The following MDGA2 variants were observed in gnomAD, a reference collection of about 807,000 sequenced individuals.
MDGA2 encodes MAM domain containing glycosylphosphatidylinositol anchor 2.
MDGA2 carries 40 observed loss-of-function variants against 117.8 expected under a neutral mutation model. The observed-to-expected ratio is 0.34, with a 90% CI of 0.26 to 0.44. The LOEUF (loss-of-function observed/expected upper bound fraction) is 0.44, where lower values mean the gene tolerates loss of function less well. Ranked by LOEUF, MDGA2 falls within the 20% of genes least tolerant of loss-of-function variation. MDGA2 has a pLI of 1.00. For synonymous variants in MDGA2, 452 were observed against 439.0 expected, an observed-to-expected ratio of 1.03 and a Z score of -0.37; for missense variants, 1,123 against 1,250.6, an observed-to-expected ratio of 0.90 and a Z score of 1.54.
chr14:47,555,904 C>T (rs1015346726), intron 1 of MDGA2, among the ~76,000 whole-genome samples: 15 of 152,152 alleles, frequency 9.9e-5, no homozygotes, highest in African/African-American at 2.2e-4. Flanking sequence ...TCCCCCTAGC[C>T]ATCAGTGAGA....
intron 1 of MDGA2, among the ~76,000 whole-genome samples, chr14:47,375,075 A>G (rs889495750): frequency 2.0e-5 from 3 of 151,370 alleles, no homozygotes; most frequent in African/African-American, 7.3e-5. Context: ...ACCTTTCAAA[A>G]CCTGTTTTTT....
intron 8 of MDGA2, among the ~76,000 whole-genome samples, chr14:47,019,749 C>G (rs978746936): frequency 6.7e-6 from 1 of 149,936 alleles, no homozygotes; most frequent in African/African-American, 2.5e-5. Flanking sequence ...GACGCTGAGG[C>G]AGGAGAATGA....
chr14:47,626,858 C>A (rs1343491839), intron 1 of MDGA2, among the ~76,000 whole-genome samples: 1 of 152,240 alleles, frequency 6.6e-6, no homozygotes, highest in African/African-American at 2.4e-5. Flanking sequence ...TGCTCCACAG[C>A]GCCCAGAACC....
chr14:47,258,994 G>A (rs1566707113), intron 2 of MDGA2, among the ~76,000 whole-genome samples: 1 of 151,958 alleles, frequency 6.6e-6, no homozygotes, highest in Admixed American at 6.6e-5. Flanking sequence ...CTTCAATTAT[G>A]TTGAAAACAA....
chr14:47,439,414 G>T lies in MDGA2; in HGVS notation c.281-137864C>A, dbSNP rs563914693. 1.5e-3 allele frequency among the ~76,000 whole-genome samples: 233 copies of T among 152,156 alleles called. 1 individual carries two copies. The highest frequency in any genetic ancestry group is 5.4e-3 in the African/African-American group (226 of 41,512). On this transcript the variant is annotated intron_variant, in intron 1 of 16. Coordinates refer to ENST00000399232, the MANE Select transcript of MDGA2 (RefSeq NM_001113498.3). ...TACATAATCATTTATCACAAAATGTGCATAGCAATCAGTATCCAACAGCTA... is the reference window on the plus strand; with the variant it reads ...TACATAATCATTTATCACAAAATGTTCATAGCAATCAGTATCCAACAGCTA...
chr14:47,537,819 A>C (rs1895255621), intron 1 of MDGA2, among the ~76,000 whole-genome samples: 1 of 152,128 alleles, frequency 6.6e-6, no homozygotes, highest in South Asian at 2.1e-4. Flanking sequence ...TTTCAAAAGA[A>C]CAAGATTAGG....
rs548745224 is a variant in MDGA2, at chr14:47,225,361, C to T, written c.421-7166G>A. 7.2e-3 allele frequency among the ~76,000 whole-genome samples: 1,086 copies of T among 151,614 alleles called. 13 individuals are homozygous for T. Among genetic ancestry groups the T allele is most frequent in the African/African-American group, 0.025 (1,037 of 41,282 alleles). Reference sequence around the variant, plus strand: ...ATGCTGCTATAAAGACACATGCACACGTATGTTTATTGCGGCACTATTCAC... The same window carrying T: ...ATGCTGCTATAAAGACACATGCACATGTATGTTTATTGCGGCACTATTCAC... On this transcript the variant is annotated intron_variant, in intron 2 of 16. Coordinates refer to ENST00000399232, the MANE Select transcript of MDGA2 (RefSeq NM_001113498.3).
At chr14:47,611,512 A>G (rs765020537) in intron 1 of MDGA2, among the ~76,000 whole-genome samples, 4 of 152,084 alleles carry the variant, frequency 2.6e-5, no homozygotes, top group Non-Finnish European at 5.9e-5. Flanking sequence ...AAAATCAGCA[A>G]AAAAACAAAC....
chr14:47,450,138 G>GT (rs909040316), intron 1 of MDGA2, among the ~76,000 whole-genome samples: 31 of 151,682 alleles, frequency 2.0e-4, no homozygotes, highest in Non-Finnish European at 2.9e-4. Context: ...TCATTTGAAG[G>GT]TTTTTTTTAG....
At chr14:47,095,831 T>C (rs1019997965) in intron 6 of MDGA2, among the ~76,000 whole-genome samples, 1 of 151,966 alleles carries the variant, frequency 6.6e-6, no homozygotes, top group Non-Finnish European at 1.5e-5. Context: ...AAATCACAAG[T>C]GTTTATCTCT....
rs113719208 is a variant in MDGA2, at chr14:47,335,434, C to T, written c.281-33884G>A. Among the ~76,000 whole-genome samples, 105 of 151,296 alleles carry T rather than the reference C, an allele frequency of 6.9e-4. 2 individuals are homozygous for T. The highest frequency in any genetic ancestry group is 2.1e-3 in the African/African-American group (85 of 41,280). ...GCCATATGGATATGTAGGCGAAAAG[C>T]CTTCCAAGTTTTGGAAGCAATAATG... On this transcript the variant is annotated intron_variant, in intron 1 of 16. Coordinates refer to ENST00000399232, the MANE Select transcript of MDGA2 (RefSeq NM_001113498.3).
intron 1 of MDGA2, among the ~76,000 whole-genome samples, chr14:47,477,373 T>C (rs1893865834): frequency 1.3e-5 from 2 of 152,130 alleles, no homozygotes; most frequent in South Asian, 4.1e-4. Context: ...GAACCTAAAG[T>C]AGTGTCAAGT....
At chr14:47,128,880 G>C (rs1882042029) in intron 5 of MDGA2, among the ~76,000 whole-genome samples, 1 of 151,660 alleles carries the variant, frequency 6.6e-6, no homozygotes. Context: ...ATTTTGAGAC[G>C]AGGTTTCACT....
At chr14:47,602,784 T>C (rs758810778) in intron 1 of MDGA2, among the ~76,000 whole-genome samples, 2 of 152,138 alleles carry the variant, frequency 1.3e-5, no homozygotes, top group Non-Finnish European at 2.9e-5. Flanking sequence ...ATTTCCCTTA[T>C]TCAGGGCTCA....
intron 8 of MDGA2, among the ~76,000 whole-genome samples, chr14:47,020,567 G>A (rs1185713696): frequency 6.7e-6 from 1 of 149,290 alleles, no homozygotes; most frequent in East Asian, 2.1e-4. Flanking sequence ...GTGTGTGTAT[G>A]GAAAGAGAGA....
intron 1 of MDGA2, among the ~76,000 whole-genome samples, chr14:47,547,932 G>C (rs543911665): frequency 3.9e-5 from 6 of 152,052 alleles, no homozygotes; most frequent in Non-Finnish European, 5.9e-5. Flanking sequence ...TAATTTCCAT[G>C]CAAAAACTTT....
chr14:47,537,573 TTAAAAAAAAAAA>T (rs1486116908), intron 1 of MDGA2, among the ~76,000 whole-genome samples: 23 of 57,104 alleles, frequency 4.0e-4, no homozygotes, highest in East Asian at 1.2e-3. Context: ...CTTCTCTCTG[TTAAAAAAAAAAA>T]AAAAAAAAAA....
chr14:47,458,013 T>G (rs1012669450), intron 1 of MDGA2, among the ~76,000 whole-genome samples: 1 of 151,914 alleles, frequency 6.6e-6, no homozygotes, highest in Non-Finnish European at 1.5e-5. Flanking sequence ...CCATATTTTT[T>G]TTTTTTTTTA....
intron 3 of MDGA2, among the ~76,000 whole-genome samples, chr14:47,182,377 T>C (rs79688126): frequency 0.29 from 44,741 of 151,896 alleles, 7,594 homozygotes; most frequent in Admixed American, 0.47. Flanking sequence ...TCTTTAAGGA[T>C]GTAATTAAAG....
Sources: allele counts gnomAD v4.1 joint callset (sites outside exome capture counted in the v4.1 genomes callset), GRCh38; gene constraint gnomAD v4.1.1; transcripts MANE v1.5; gene names NCBI Gene and HGNC (gene_info 2026-07-23, HGNC 2026-07-21).